ANKRD30B: variants seen among roughly 807,000 people sequenced by gnomAD.
ANKRD30B encodes ankyrin repeat domain 30B.
In ANKRD30B, 144 loss-of-function variants were observed where a neutral mutation model predicts 202.2. The ratio of observed to expected loss-of-function variants is 0.71; its 90% CI spans 0.62 to 0.82. ANKRD30B has a LOEUF of 0.82. Ranked by LOEUF, ANKRD30B falls within the 40% of genes least tolerant of loss-of-function variation. The pLI is 0.00. For synonymous variants in ANKRD30B, 508 were observed against 561.3 expected (o/e 0.91, Z 1.34); for missense variants, 1,487 against 1,669.1 (o/e 0.89, Z 1.90).
At chr18:14,889,283 C>T in the ANKRD30B span, among the ~76,000 whole-genome samples, 4 of 152,038 alleles carry the variant, frequency 2.6e-5, no homozygotes, top group African/African-American at 9.7e-5. Context: ...CATCTGCCTC[C>T]CTCAGGTGAG....
the ANKRD30B span, among the ~76,000 whole-genome samples, chr18:14,875,709 G>T: frequency 6.6e-6 from 1 of 152,148 alleles, no homozygotes; most frequent in Admixed American, 6.5e-5. Context: ...TGACCTTGTT[G>T]GTTCGTTCCA....
intron 30 of ANKRD30B, chr18:14,816,613 C>T (rs1281906669): frequency 6.6e-6 from 1 of 150,604 alleles, no homozygotes; most frequent in African/African-American, 2.5e-5. Flanking sequence ...CACCTACACT[C>T]CAGCCTGGGT....
intron 4 of ANKRD30B, among the ~76,000 whole-genome samples, chr18:14,756,246 G>T (rs1011606648): frequency 2.0e-5 from 3 of 152,070 alleles, no homozygotes; most frequent in Admixed American, 6.5e-5. Context: ...CTTTTTGATG[G>T]GGTTGTTTGT....
intron 32 of ANKRD30B, among the ~76,000 whole-genome samples, chr18:14,826,376 A>T: frequency 6.6e-6 from 1 of 152,192 alleles, no homozygotes; most frequent in Non-Finnish European, 1.5e-5. Flanking sequence ...TTTAACTTAC[A>T]AGTTCTACAG....
chr18:14,798,114 A>T (rs1236024124), intron 20 of ANKRD30B, among the ~76,000 whole-genome samples: 1 of 152,160 alleles, frequency 6.6e-6, no homozygotes, highest in African/African-American at 2.4e-5. Flanking sequence ...CTTTGTTCCC[A>T]GGTGGATCAG....
intron 42 of ANKRD30B, chr18:14,852,765 A>G (rs1737770217): frequency 1.2e-5 from 2 of 167,404 alleles, no homozygotes; most frequent in African/African-American, 4.8e-5. Context: ...GGGAATGCCC[A>G]TATCAGCAAT....
chr18:14,831,555 A>G (rs1263900826), intron 34 of ANKRD30B, 100 bp downstream of exon 34: 4 of 551,564 alleles, frequency 7.3e-6, no homozygotes, highest in Non-Finnish European at 1.3e-5. Context: ...TCATAATTTC[A>G]TGTTGGTAAT....
chr18:14,829,597 A>T (rs996028126), intron 33 of ANKRD30B, among the ~76,000 whole-genome samples: 2 of 152,228 alleles, frequency 1.3e-5, no homozygotes, highest in African/African-American at 4.8e-5. Context: ...GACAAGTTTG[A>T]TGAAGATAAA....
intron 20 of ANKRD30B, 133 bp downstream of exon 20, chr18:14,797,987 G>A (rs1381597123): frequency 4.5e-5 from 42 of 943,490 alleles, no homozygotes; most frequent in African/African-American, 1.2e-4. Context: ...TAATGCCAAT[G>A]TTAGTATTTA....
chr18:14,786,461 A>G (rs1447077310), intron 14 of ANKRD30B, among the ~76,000 whole-genome samples: 1 of 152,212 alleles, frequency 6.6e-6, no homozygotes, highest in East Asian at 1.9e-4. Context: ...ATGCAATAAA[A>G]GTTTTTTAAG....
chr18:14,803,460 T>C (rs879633014), intron 23 of ANKRD30B, among the ~76,000 whole-genome samples: 330 of 134,580 alleles, frequency 2.5e-3, no homozygotes, highest in Non-Finnish European at 3.9e-3. Context: ...TTCTGAAATA[T>C]GCACGAGTGA....
the ANKRD30B span, among the ~76,000 whole-genome samples, chr18:14,893,260 G>A: frequency 6.6e-6 from 1 of 152,122 alleles, no homozygotes. Flanking sequence ...TCACTCTTTT[G>A]TTCAGTTGCA....
intron 4 of ANKRD30B, among the ~76,000 whole-genome samples, chr18:14,757,392 A>G (rs1293606148): frequency 6.6e-6 from 1 of 152,242 alleles, no homozygotes; most frequent in Non-Finnish European, 1.5e-5. Flanking sequence ...ATTCTTATCA[A>G]CATCATTAAC....
At chr18:14,776,192 A>G (rs768001589) in intron 9 of ANKRD30B, among the ~76,000 whole-genome samples, 1 of 152,202 alleles carries the variant, frequency 6.6e-6, no homozygotes, top group African/African-American at 2.4e-5. Flanking sequence ...GAGATTTTCA[A>G]TATTTTGACC....
Position 14,754,798 on chromosome 18 carries a change from C to T in ANKRD30B, c.511-101C>T, listed in dbSNP as rs954845287. The T allele has an allele frequency of 1.4e-5, 11 of 791,102 alleles. No homozygotes were observed. The Admixed American group carries it at 3.5e-4, about 25-fold the overall frequency. The allele number at this position is 791,102 out of a possible 1,614,324, so 49.0% of individuals were successfully genotyped here. On this transcript the variant is annotated intron_variant, in intron 3 of 43. Coordinates refer to ENST00000690538, the MANE Select transcript of ANKRD30B (RefSeq NM_001367607.2). The stretch of plus-strand genomic sequence containing the variant: ...TGCTATTGATTTACTTATTTACTTT[C>T]TACTTTATGTGTTTAAGTTAATAGG...
chr18:14,817,456 C>A (rs1346230289), intron 30 of ANKRD30B, among the ~76,000 whole-genome samples: 1 of 152,138 alleles, frequency 6.6e-6, no homozygotes, highest in African/African-American at 2.4e-5. Context: ...AATCAGATCA[C>A]AATTTAGAAC....
intron 34 of ANKRD30B, among the ~76,000 whole-genome samples, chr18:14,835,491 A>G (rs1263770162): frequency 6.6e-6 from 1 of 151,630 alleles, no homozygotes; most frequent in Non-Finnish European, 1.5e-5. Flanking sequence ...CATAACTATT[A>G]CACCTTGCAC....
downstream of ANKRD30B, among the ~76,000 whole-genome samples, chr18:14,856,078 T>G (rs1220706763): frequency 3.0e-5 from 3 of 100,614 alleles, no homozygotes; most frequent in South Asian, 3.6e-4. Context: ...ACCTCCTAGA[T>G]GGGGTGGCCG....
intron 10 of ANKRD30B, among the ~76,000 whole-genome samples, chr18:14,779,346 A>G (rs1967575268): frequency 6.6e-6 from 1 of 152,216 alleles, no homozygotes; most frequent in Non-Finnish European, 1.5e-5. Context: ...CTATTGTTGC[A>G]TTGAGGAAAG....
Sources: allele counts gnomAD v4.1 joint callset (sites outside exome capture counted in the v4.1 genomes callset), GRCh38; gene constraint gnomAD v4.1.1; transcripts MANE v1.5; gene names NCBI Gene and HGNC (gene_info 2026-07-23, HGNC 2026-07-21).